The following PPP2R5C variants were observed in gnomAD, a reference collection of about 807,000 sequenced individuals.
The protein encoded by PPP2R5C is serine/threonine-protein phosphatase 2A 56 kDa regulatory subunit gamma isoform.
Under a neutral mutation model 68.9 loss-of-function variants are expected in PPP2R5C, and 7 were observed. The observed-to-expected ratio is 0.10, with a 90% confidence interval of 0.06 to 0.19. The LOEUF is 0.19. Ranked by LOEUF, PPP2R5C falls within the 10% of genes least tolerant of loss-of-function variation. The pLI is 1.00. For missense variants in PPP2R5C, 348 were observed against 641.3 expected, an observed-to-expected ratio of 0.54 and a Z score of 4.94; for synonymous variants, 210 against 222.2, an observed-to-expected ratio of 0.95 and a Z score of 0.49.
At chr14:101,798,643 A>AT (rs1235635278) in intron 3 of PPP2R5C, among the ~76,000 whole-genome samples, 2 of 152,328 alleles carry the variant, frequency 1.3e-5, no homozygotes, top group East Asian at 3.9e-4. Flanking sequence ...TACATAGATT[A>AT]TTGTAGTTAT....
intron 1 of PPP2R5C, among the ~76,000 whole-genome samples, chr14:101,810,486 G>T (rs145320302): frequency 6.6e-6 from 1 of 152,288 alleles, no homozygotes; most frequent in Admixed American, 6.5e-5. Context: ...AAGATGAATT[G>T]CAGTCAGAAA....
Position 101,906,643 on chromosome 14 carries a change from G to A in PPP2R5C, c.1151+114G>A, listed in dbSNP as rs1336381534. The A allele has an allele frequency of 6.6e-6, 9 of 1,367,174 alleles. No individual in the cohort carries two copies. Among genetic ancestry groups the A allele is most frequent in the Non-Finnish European group, 8.9e-6 (9 of 1,012,170 alleles). The allele number at this position is 1,367,174 out of a possible 1,614,324, so 84.7% of individuals were successfully genotyped here. Reference sequence around the variant, plus strand: ...TTAAATATCAATTAAAAAACAAGAAGGTCAGTTGCTTTGTGGACTCATAAA... The same window carrying A: ...TTAAATATCAATTAAAAAACAAGAAAGTCAGTTGCTTTGTGGACTCATAAA... On this transcript the variant is annotated intron_variant, in intron 10 of 13. Transcript: ENST00000334743. The surrounding 1 kb of genome is among the most constrained non-coding windows in gnomAD (Gnocchi z 4.0).
intron 1 of PPP2R5C, among the ~76,000 whole-genome samples, chr14:101,815,164 C>T (rs534622771): frequency 2.8e-4 from 42 of 151,972 alleles, no homozygotes; most frequent in African/African-American, 1.0e-3. Context: ...TTTTTTGTCC[C>T]CCCGGGAGAA....
At chr14:101,808,095 A>G (rs1382586881), upstream of PPP2R5C, among the ~76,000 whole-genome samples, 2 of 150,926 alleles carry the variant, frequency 1.3e-5, no homozygotes, top group East Asian at 3.9e-4. Flanking sequence ...CACTCAGAGG[A>G]GGAGGAGGAG....
chr14:101,787,692 G>A (rs551557784), intron 3 of PPP2R5C, among the ~76,000 whole-genome samples: 2 of 151,178 alleles, frequency 1.3e-5, no homozygotes, highest in African/African-American at 2.4e-5. Flanking sequence ...GCGTGAACCC[G>A]GGAGGCAGAG....
At chr14:101,865,631 G>A (rs1009629595) in intron 2 of PPP2R5C, among the ~76,000 whole-genome samples, 3 of 152,306 alleles carry the variant, frequency 2.0e-5, no homozygotes, top group South Asian at 2.1e-4. Flanking sequence ...TTGGGTGAAC[G>A]GCTTGGTTCT....
intron 2 of PPP2R5C, among the ~76,000 whole-genome samples, chr14:101,857,507 C>T (rs2042492683): frequency 6.6e-6 from 1 of 152,262 alleles, no homozygotes; most frequent in Admixed American, 6.5e-5. Context: ...ATTCCTCTAT[C>T]AATGACAGTA....
exon 1 of PPP2R5C, chr14:101,810,031 T>C: frequency 6.2e-7 from 1 of 1,613,668 alleles, no homozygotes; most frequent in Non-Finnish European, 8.5e-7. Context: ...CTTCTCCATA[T>C]TCGAGGTAAG....
chr14:101,816,605 T>C (rs1003237371), intron 1 of PPP2R5C, among the ~76,000 whole-genome samples: 2 of 152,008 alleles, frequency 1.3e-5, no homozygotes, highest in African/African-American at 4.8e-5. Flanking sequence ...TACTGCGAAC[T>C]TTCTAGGTGT....
chr14:101,761,495 G>C (rs150633899), upstream of PPP2R5C, among the ~76,000 whole-genome samples: 713 of 149,526 alleles, frequency 4.8e-3, 3 homozygotes, highest in Non-Finnish European at 7.2e-3. Flanking sequence ...CGCGCGGAGA[G>C]GGTGGGGGGA....
chr14:101,893,485 A>G (rs1344124868), intron 7 of PPP2R5C, among the ~76,000 whole-genome samples: 1 of 152,114 alleles, frequency 6.6e-6, no homozygotes, highest in Non-Finnish European at 1.5e-5. Flanking sequence ...TAAAAAAATA[A>G]AGCTGCCTAT....
chr14:101,900,591 T>G (rs1301392557), intron 8 of PPP2R5C, among the ~76,000 whole-genome samples: 1 of 152,196 alleles, frequency 6.6e-6, no homozygotes, highest in African/African-American at 2.4e-5. Context: ...ATTGTTGTAC[T>G]CTTTTAGAAC....
chr14:101,763,904 T>G (rs1345305245), intron 2 of PPP2R5C, among the ~76,000 whole-genome samples: 2 of 152,260 alleles, frequency 1.3e-5, no homozygotes, highest in Non-Finnish European at 2.9e-5. Context: ...CGTCCTGGGC[T>G]AGCTCCCTAT....
chr14:101,847,764 G>C (rs2041923647), intron 1 of PPP2R5C, among the ~76,000 whole-genome samples: 1 of 150,638 alleles, frequency 6.6e-6, no homozygotes, highest in Non-Finnish European at 1.5e-5. Context: ...CTGGGTTCAA[G>C]CGATTCTCCT....
At chr14:101,908,666 G>A (rs980145640) in intron 10 of PPP2R5C, among the ~76,000 whole-genome samples, 9 of 151,902 alleles carry the variant, frequency 5.9e-5, no homozygotes, top group East Asian at 3.9e-4. Flanking sequence ...GAGCCACCGC[G>A]CCTGGCTTGC....
At chr14:101,830,811 C>T (rs1445359561) in intron 1 of PPP2R5C, among the ~76,000 whole-genome samples, 2 of 152,096 alleles carry the variant, frequency 1.3e-5, no homozygotes, top group African/African-American at 4.8e-5. Flanking sequence ...TGCCAGCCCT[C>T]GGGGAGCTTG....
intron 9 of PPP2R5C, among the ~76,000 whole-genome samples, chr14:101,905,161 C>T (rs570954387): frequency 1.3e-5 from 2 of 152,212 alleles, no homozygotes; most frequent in East Asian, 3.9e-4. Context: ...CGAGAGCAGC[C>T]TGGCCAACAT....
upstream of PPP2R5C, among the ~76,000 whole-genome samples, chr14:101,807,614 C>T (rs1231884939): frequency 6.6e-6 from 1 of 152,132 alleles, no homozygotes; most frequent in Non-Finnish European, 1.5e-5. Context: ...GTACACCTTA[C>T]CTTTATTCAA....
At chr14:101,824,159 G>A (rs2040258083) in intron 1 of PPP2R5C, 2 of 1,274,768 alleles carry the variant, frequency 1.6e-6, no homozygotes, top group South Asian at 2.5e-5. Flanking sequence ...GCTGGCAAGA[G>A]TATTTTCGTG....
Sources: gnomAD v4.1 joint callset for allele counts (sites outside exome capture counted in the v4.1 genomes callset) on GRCh38, gnomAD v4.1.1 for gene constraint, Gnocchi (gnomAD v3.1) non-coding constraint, MANE v1.5 for transcripts, NCBI Gene and HGNC (gene_info 2026-07-23, HGNC 2026-07-21) for gene names.